The following PLXND1 variants were observed in gnomAD, a reference collection of about 807,000 sequenced individuals.
The protein encoded by PLXND1 is plexin-D1.
In PLXND1, 54 loss-of-function variants were observed where a neutral mutation model predicts 197.7. The observed-to-expected ratio is 0.27, with a 90% confidence interval of 0.22 to 0.34. PLXND1 has a LOEUF of 0.34. Among genes scored for constraint, PLXND1 ranks in the 10% least tolerant of loss-of-function variants. PLXND1 has a pLI of 1.00. For missense variants in PLXND1, 2,127 were observed against 2,699.2 expected (o/e 0.79, Z 4.70); for synonymous variants, 1,180 against 1,161.2 (o/e 1.02, Z -0.33).
chr3:129,561,974 C>T (rs2085069065), intron 27 of PLXND1, 71 bp from the exon 28 acceptor site: 2 of 990,076 alleles, frequency 2.0e-6, no homozygotes, highest in Admixed American at 3.4e-5. Context: ...ACCGGCCCAG[C>T]CACATAGGGA....
chr3:129,574,185 G>C, intron 12 of PLXND1, 151 bp downstream of exon 12: 1 of 659,684 alleles, frequency 1.5e-6, no homozygotes, highest in Non-Finnish European at 2.5e-6. Flanking sequence ...AGCTCTGTGA[G>C]GCAGAGCACT....
chr3:129,602,290 C>T (rs2085720010), intron 1 of PLXND1, among the ~76,000 whole-genome samples: 2 of 152,174 alleles, frequency 1.3e-5, no homozygotes, highest in South Asian at 4.1e-4. Flanking sequence ...CCAGGCCTCC[C>T]TGGCCCTTGT....
chr3:129,575,318 G>A (rs1237247771), intron 11 of PLXND1, 151 bp downstream of exon 11: 8 of 620,394 alleles, frequency 1.3e-5, no homozygotes, highest in South Asian at 9.4e-5. Flanking sequence ...TGGCATGGCA[G>A]GGCTGGGATA....
At position 129,566,037 on chromosome 3, in the gene PLXND1, T is replaced by G; in HGVS notation, c.4192-20A>C. ...AGGAATCTGTGGAAGCAACTGGTGATGGGGTGTCCAGAGGGGCCCAGTGTC... is the reference window on the plus strand; with the variant it reads ...AGGAATCTGTGGAAGCAACTGGTGAGGGGGTGTCCAGAGGGGCCCAGTGTC... On this transcript the variant is annotated intron_variant, in intron 23 of 35. Transcript: ENST00000324093. The G allele has an allele frequency of 6.2e-7, 1 of 1,613,844 alleles. No individual in the cohort carries two copies. The highest frequency in any genetic ancestry group is 8.5e-7 in the Non-Finnish European group (1 of 1,179,820).
chr3:129,556,714 G>A, intron 34 of PLXND1, 23 bp from the exon 35 acceptor site: 2 of 1,531,260 alleles, frequency 1.3e-6, no homozygotes, highest in Non-Finnish European at 1.8e-6. Flanking sequence ...AGGATGGGGA[G>A]GAGGTTAGCC....
intron 27 of PLXND1, 70 bp from the exon 28 acceptor site, chr3:129,561,973 G>T: frequency 1.0e-6 from 1 of 989,980 alleles, no homozygotes; most frequent in Non-Finnish European, 1.6e-6. Context: ...TACCGGCCCA[G>T]CCACATAGGG....
intron 20 of PLXND1, chr3:129,569,583 C>T: frequency 2.2e-6 from 1 of 461,262 alleles, no homozygotes; most frequent in Non-Finnish European, 4.0e-6. Flanking sequence ...AACATGGTTC[C>T]AAATTTCTCT....
chr3:129,601,644 C>T (rs1278526017), intron 1 of PLXND1, among the ~76,000 whole-genome samples: 5 of 152,186 alleles, frequency 3.3e-5, no homozygotes, highest in Non-Finnish European at 7.3e-5. Context: ...TCCTGGTTCT[C>T]CCCAGACCAA....
intron 29 of PLXND1, 199 bp from the exon 30 acceptor site, chr3:129,560,922 T>TGCAGAGAC: frequency 1.2e-5 from 8 of 676,578 alleles, no homozygotes; most frequent in South Asian, 1.1e-4. Context: ...GAGACAGAGA[T>TGCAGAGAC]GCAGAGACGC....
chr3:129,557,368 C>T lies in PLXND1; in HGVS notation c.5446-145G>A, dbSNP rs758823850. On this transcript the variant is annotated intron_variant, in intron 33 of 35. Coordinates refer to ENST00000324093, the MANE Select transcript of PLXND1 (RefSeq NM_015103.3). The surrounding 1 kb of genome is among the most constrained non-coding windows in gnomAD (Gnocchi z 4.8). ...CAAAGAGTCTCACCCGGTCACTGAA[C>T]GTCCCCGCACTCAGCCGGCCCCAGA... is the stretch of plus-strand genomic sequence containing the variant. 129 of 819,254 alleles carry T rather than the reference C, an allele frequency of 1.6e-4. No individual in the cohort carries two copies. Among genetic ancestry groups the T allele is most frequent in the Non-Finnish European group, 2.2e-4 (115 of 522,102 alleles). The allele number at this position is 819,254 out of a possible 1,614,324, so 50.7% of individuals were successfully genotyped here.
At chr3:129,589,316 C>T (rs1342428114) in intron 2 of PLXND1, 35 bp downstream of exon 2, 1 of 685,456 alleles carries the variant, frequency 1.5e-6, no homozygotes, top group South Asian at 1.6e-5. Flanking sequence ...AGCCTCCCAC[C>T]CCCACCCCCT....
chr3:129,568,240 T>C (rs1454902737), intron 20 of PLXND1, among the ~76,000 whole-genome samples: 1 of 152,180 alleles, frequency 6.6e-6, no homozygotes, highest in Non-Finnish European at 1.5e-5. Context: ...ACTTGTAAAT[T>C]AAGAAACTTT....
Position 129,606,552 on chromosome 3 carries a change from G to C in PLXND1, c.88C>G (p.Pro30Ala). The change falls in exon 1 of 36, where the codon CCG becomes GCG. Residue 30 changes from proline (P) to alanine (A), a missense_variant. Transcript: ENST00000324093. Reference protein sequence around the residue: ...PPPFQTPPRCPVPLLLLLLLG... With the variant: ...PPPFQTPPRCAVPLLLLLLLG... Reference sequence around the variant, plus strand: ...AGCAGCAGCAACAGCAGCGGCACCGGGCACCGCGGCGGCGTCTGGAACGGC... The same window carrying C: ...AGCAGCAGCAACAGCAGCGGCACCGCGCACCGCGGCGGCGTCTGGAACGGC... 1 of 1,277,870 alleles carries C rather than the reference G, an allele frequency of 7.8e-7. No homozygotes were observed. Among genetic ancestry groups the C allele is most frequent in the Non-Finnish European group, 9.9e-7 (1 of 1,013,886 alleles). 79.2% of individuals were successfully genotyped at this position (1,277,870 alleles called of 1,614,324 possible).
chr3:129,571,804 C>T lies in PLXND1; in HGVS notation c.3118G>A (p.Ala1040Thr), dbSNP rs774569801. 6.2e-7 allele frequency: 1 copy of T among 1,613,090 alleles called. No homozygotes were observed. The highest frequency in any genetic ancestry group is 2.2e-5 in the East Asian group (1 of 44,872). ...TSIACTMPEGALPAPVPVCVR... is the reference protein window; with the variant it reads ...TSIACTMPEGTLPAPVPVCVR... ...CACACAGGCACCGGAGCCGGCAGGGCCCCCTCAGGCATGGTGCAGGCGATG... is the reference window on the plus strand; with the variant it reads ...CACACAGGCACCGGAGCCGGCAGGGTCCCCTCAGGCATGGTGCAGGCGATG... The change falls in exon 16 of 36, where the codon GCC becomes ACC. Residue 1040 changes from alanine (A) to threonine (T), a missense_variant. Ala to Thr is a moderately conservative substitution (Grantham distance 58). Transcript: ENST00000324093.
intron 8 of PLXND1, among the ~76,000 whole-genome samples, chr3:129,579,984 C>A (rs2085363999): frequency 6.6e-6 from 1 of 152,160 alleles, no homozygotes; most frequent in Non-Finnish European, 1.5e-5. Flanking sequence ...TCTAGCCCTC[C>A]CTCTGCTGGG....
intron 9 of PLXND1, among the ~76,000 whole-genome samples, chr3:129,576,479 G>A (rs1357190640): frequency 3.9e-5 from 6 of 152,180 alleles, no homozygotes; most frequent in Non-Finnish European, 7.3e-5. Flanking sequence ...GGGGCACTAC[G>A]AAGCTCCTAG....
chr3:129,583,944 C>G (rs2085420722), intron 7 of PLXND1, among the ~76,000 whole-genome samples, 181 bp downstream of exon 7: 1 of 152,214 alleles, frequency 6.6e-6, no homozygotes, highest in African/African-American at 2.4e-5. Context: ...AGAGGCCAGG[C>G]ATCAGGCAGT....
At chr3:129,566,062 C>A in intron 23 of PLXND1, 45 bp from the exon 24 acceptor site, 1 of 1,607,766 alleles carries the variant, frequency 6.2e-7, no homozygotes, top group South Asian at 1.1e-5. Context: ...GGCCCAGTGT[C>A]CCTGCCTAGC....
intron 9 of PLXND1, 74 bp downstream of exon 9, chr3:129,578,255 G>C (rs1207299439): frequency 6.8e-6 from 6 of 877,520 alleles, no homozygotes; most frequent in Non-Finnish European, 9.4e-6. Context: ...ACCAGGACAT[G>C]GGGGCAGTTA....
Sources: gnomAD v4.1 joint callset for allele counts (sites outside exome capture counted in the v4.1 genomes callset) on GRCh38, gnomAD v4.1.1 for gene constraint, Gnocchi (gnomAD v3.1) non-coding constraint, MANE v1.5 for transcripts, NCBI Gene and HGNC (gene_info 2026-07-23, HGNC 2026-07-21) for gene names.